Variants in SPATA31G1 observed in about 807,000 individuals in gnomAD.
SPATA31G1 encodes SPATA31 subfamily G member 1, also known as spermatogenesis-associated protein 31G1.
At chr9:35,042,509 C>CT in the SPATA31G1 span, 3 of 1,613,810 alleles carry the variant, frequency 1.9e-6, no homozygotes, top group African/African-American at 4.0e-5. Context: ...GACTGTACAG[C>CT]TGGATGAATG....
the SPATA31G1 span, chr9:35,043,565 C>A: frequency 6.2e-7 from 1 of 1,614,176 alleles, no homozygotes; most frequent in Non-Finnish European, 8.5e-7. Flanking sequence ...CTGGAACTAG[C>A]CCCCTGGAAG....
chr9:35,042,811 G>A, the SPATA31G1 span: 28 of 1,576,286 alleles, frequency 1.8e-5, no homozygotes, highest in Non-Finnish European at 2.3e-5. Context: ...AGCAAACCTT[G>A]TGTATCTGAA....
the SPATA31G1 span, chr9:35,044,446 A>G: frequency 6.2e-7 from 1 of 1,614,108 alleles, no homozygotes; most frequent in Non-Finnish European, 8.5e-7. Flanking sequence ...CCAGCTTGTA[A>G]CTTACCCCAA....
the SPATA31G1 span, chr9:35,044,728 T>A: frequency 6.2e-7 from 1 of 1,614,110 alleles, no homozygotes; most frequent in Non-Finnish European, 8.5e-7. Context: ...GAGCCACACA[T>A]TGACCTTGAA....
At chr9:35,041,234 CA>C in the SPATA31G1 span, 1 of 270,674 alleles carries the variant, frequency 3.7e-6, no homozygotes, top group Non-Finnish European at 7.5e-6. Flanking sequence ...CATGCCAGGG[CA>C]AATATTTAGG....
the SPATA31G1 span, chr9:35,043,850 A>G: frequency 3.1e-6 from 5 of 1,614,190 alleles, no homozygotes; most frequent in East Asian, 1.1e-4. Flanking sequence ...TGGAAGATCC[A>G]TCCAGATATA....
the SPATA31G1 span, chr9:35,044,459 C>G: frequency 4.1e-5 from 66 of 1,614,074 alleles, no homozygotes; most frequent in Non-Finnish European, 5.4e-5. Context: ...TACCCCAAGA[C>G]CTGCATGGAG....
At chr9:35,044,249 A>C in the SPATA31G1 span, 207 of 1,614,176 alleles carry the variant, frequency 1.3e-4, no homozygotes, top group Middle Eastern at 1.8e-3. Context: ...CTACATCAGA[A>C]GCTACATGGA....
At chr9:35,043,063 GCC>G in the SPATA31G1 span, 1 of 1,614,112 alleles carries the variant, frequency 6.2e-7, no homozygotes, top group Admixed American at 1.7e-5. Context: ...GGTTCTGAGG[GCC>G]TCCTCAAGGC....
chr9:35,043,466 TTC>T, the SPATA31G1 span: 1 of 1,614,168 alleles, frequency 6.2e-7, no homozygotes, highest in Non-Finnish European at 8.5e-7. Flanking sequence ...CATCTTCTCC[TTC>T]TGTCTCATCA....
chr9:35,043,340 T>C, the SPATA31G1 span: 1 of 1,614,192 alleles, frequency 6.2e-7, no homozygotes, highest in Non-Finnish European at 8.5e-7. Context: ...CCTTCCTACC[T>C]AGGTCCAACC....
the SPATA31G1 span, chr9:35,042,041 C>G: frequency 1.5e-6 from 1 of 669,904 alleles, no homozygotes; most frequent in Admixed American, 3.0e-5. Context: ...ATGTACTTAA[C>G]CACAATGCCT....
At chr9:35,043,002 G>C in the SPATA31G1 span, 1 of 1,614,156 alleles carries the variant, frequency 6.2e-7, no homozygotes, top group South Asian at 1.1e-5. Flanking sequence ...TCCTACCAAA[G>C]AAGCTCCCAC....
the SPATA31G1 span, chr9:35,043,291 A>G: frequency 2.9e-5 from 46 of 1,613,994 alleles, no homozygotes; most frequent in Non-Finnish European, 3.3e-5. Context: ...TCTCCTCTGA[A>G]GTGGTCTGTT....
the SPATA31G1 span, chr9:35,044,607 C>T: frequency 6.2e-7 from 1 of 1,614,170 alleles, no homozygotes. Context: ...CGTAAGTGAG[C>T]CTATCGCAGA....
the SPATA31G1 span, chr9:35,045,582 G>A: frequency 1.9e-6 from 3 of 1,614,088 alleles, no homozygotes; most frequent in African/African-American, 4.0e-5. Context: ...AGAGGCCCCT[G>A]TAAGCACATT....
At chr9:35,045,377 A>T in the SPATA31G1 span, 2 of 1,614,152 alleles carry the variant, frequency 1.2e-6, no homozygotes, top group Non-Finnish European at 1.7e-6. Context: ...ATCTATCTCC[A>T]GGCCCAGGAG....
chr9:35,042,082 G>T, the SPATA31G1 span: 1 of 988,094 alleles, frequency 1.0e-6, no homozygotes, highest in South Asian at 1.7e-5. Context: ...GCAATCAAAA[G>T]GGGATCACCC....
At chr9:35,043,532 C>A in the SPATA31G1 span, 7 of 1,614,024 alleles carry the variant, frequency 4.3e-6, no homozygotes, top group African/African-American at 8.0e-5. Flanking sequence ...TTTTATCTGG[C>A]GCTGAGGCAC....
Sources: allele counts gnomAD v4.1 joint callset, GRCh38; gene constraint gnomAD v4.1.1; transcripts MANE v1.5; gene names NCBI Gene and HGNC (gene_info 2026-07-23, HGNC 2026-07-21).